Variants in DAOA observed in about 807,000 individuals in gnomAD.
DAOA encodes D-amino acid oxidase regulator.
A neutral mutation model predicts 16.4 loss-of-function variants in DAOA; 15 were observed. The observed-to-expected ratio is 0.91, with a 90% CI of 0.61 to 1.41. The LOEUF (loss-of-function observed/expected upper bound fraction) is 1.41. DAOA is among the 40% of genes most tolerant of loss of function. The pLI, the probability that DAOA is intolerant of heterozygous loss-of-function variation, is 0.00. For synonymous variants in DAOA, 75 were observed against 59.1 expected (o/e 1.27, Z -1.23); for missense variants, 230 against 176.8 (o/e 1.30, Z -1.71).
intron 4 of DAOA, among the ~76,000 whole-genome samples, chr13:105,489,494 T>C (rs1222325057): frequency 6.6e-6 from 1 of 152,220 alleles, no homozygotes; most frequent in African/African-American, 2.4e-5. Flanking sequence ...TATTTTTAAA[T>C]TATTTTTCCC....
At chr13:105,476,463 G>A (rs142339398) in intron 4 of DAOA, among the ~76,000 whole-genome samples, 54 of 139,894 alleles carry the variant, frequency 3.9e-4, no homozygotes, top group Middle Eastern at 3.9e-3. Flanking sequence ...AAGCCTTTTC[G>A]TTATAAAACG....
At chr13:105,472,448 C>T (rs1195566650) in intron 3 of DAOA, 90 bp from the exon 4 acceptor site, 6 of 1,418,922 alleles carry the variant, frequency 4.2e-6, no homozygotes, top group Non-Finnish European at 5.6e-6. Flanking sequence ...ACAATTCCTA[C>T]AATCGCTCCA....
rs183896886 is a variant in DAOA at position 105,473,130 on chromosome 13, T to A, written c.281+445T>A. On this transcript the variant is annotated intron_variant, in intron 4 of 5. Coordinates refer to ENST00000375936, the MANE Select transcript of DAOA (RefSeq NM_172370.5). ...CAACAATAACATGGGAAAGGAACAA[T>A]GTAAATTTCACACTGCCTACGTGAG... 4.0e-4 allele frequency among the ~76,000 whole-genome samples: 61 copies of A among 151,098 alleles called. 1 individual carries two copies. Among genetic ancestry groups the A allele is most frequent in the African/African-American group, 1.1e-3 (46 of 41,276 alleles).
At chr13:105,481,130 A>G (rs928603954) in intron 4 of DAOA, among the ~76,000 whole-genome samples, 6 of 152,166 alleles carry the variant, frequency 3.9e-5, no homozygotes, top group Non-Finnish European at 8.8e-5. Flanking sequence ...TCTTCTTAGT[A>G]TTGAACTCCT....
intron 4 of DAOA, 42 bp from the exon 5 acceptor site, chr13:105,489,859 C>T: frequency 1.9e-6 from 3 of 1,613,698 alleles, no homozygotes; most frequent in Non-Finnish European, 1.7e-6. Context: ...ATGAGGTTAC[C>T]TTTCACAAGA....
At chr13:105,477,801 A>T (rs1426378939) in intron 4 of DAOA, among the ~76,000 whole-genome samples, 2 of 152,220 alleles carry the variant, frequency 1.3e-5, no homozygotes, top group African/African-American at 4.8e-5. Context: ...TATCTACCAG[A>T]GCAATTTAAT....
intron 4 of DAOA, among the ~76,000 whole-genome samples, chr13:105,474,365 C>T (rs543013295): frequency 4.2e-4 from 64 of 151,882 alleles, no homozygotes; most frequent in Non-Finnish European, 6.9e-4. Flanking sequence ...TGTGTGCATG[C>T]GCGTGTGTGT....
Position 105,490,946 on chromosome 13 carries a change from A to C in DAOA, c.*146A>C, listed in dbSNP as rs1878475717. ...TTGTATTTGCAACTCTCTGGTCAGT[A>C]AGTGATAAAATGCCATTTCTATGCA... On this transcript the variant is annotated 3_prime_UTR_variant, in exon 6 of 6. Coordinates refer to ENST00000375936, the MANE Select transcript of DAOA (RefSeq NM_172370.5). The C allele has an allele frequency of 6.6e-6, 1 of 152,116 alleles. No homozygotes were observed. Among genetic ancestry groups the C allele is most frequent in the Admixed American group, 6.5e-5 (1 of 15,268 alleles). The allele number at this position is 152,116 out of a possible 1,614,324, so 9.4% of individuals were successfully genotyped here.
chr13:105,480,437 G>A (rs1877635918), intron 4 of DAOA, among the ~76,000 whole-genome samples: 1 of 151,774 alleles, frequency 6.6e-6, no homozygotes, highest in Non-Finnish European at 1.5e-5. Context: ...TTGGTTTGCT[G>A]GCATCTGTAT....
At chr13:105,473,469 T>C (rs1250163284) in intron 4 of DAOA, among the ~76,000 whole-genome samples, 1 of 152,172 alleles carries the variant, frequency 6.6e-6, no homozygotes, top group African/African-American at 2.4e-5. Flanking sequence ...AGTTGCAAAA[T>C]ATTATTTTTT....
chr13:105,467,433 A>G (rs1413681454), intron 3 of DAOA, among the ~76,000 whole-genome samples: 2 of 152,308 alleles, frequency 1.3e-5, no homozygotes, highest in African/African-American at 4.8e-5. Context: ...CCCTCAATCC[A>G]TGATTTATTT....
At chr13:105,470,876 C>T (rs945192190) in intron 3 of DAOA, among the ~76,000 whole-genome samples, 14 of 152,072 alleles carry the variant, frequency 9.2e-5, no homozygotes, top group African/African-American at 2.9e-4. Context: ...CTGCAAGCTC[C>T]GCCTCCCGGG....
At chr13:105,468,985 T>C (rs1384976725) in intron 3 of DAOA, among the ~76,000 whole-genome samples, 1 of 152,154 alleles carries the variant, frequency 6.6e-6, no homozygotes, top group Non-Finnish European at 1.5e-5. Flanking sequence ...TTTTTCCAAG[T>C]GCATATTTTT....
At chr13:105,472,791 T>C (rs1594107323) in intron 4 of DAOA, 106 bp downstream of exon 4, 4 of 998,402 alleles carry the variant, frequency 4.0e-6, no homozygotes, top group East Asian at 5.4e-5. Context: ...AGATTATACT[T>C]CATGTTGAAC....
chr13:105,467,522 A>G (rs1876606588), intron 3 of DAOA: 2 of 158,204 alleles, frequency 1.3e-5, no homozygotes, highest in Non-Finnish European at 2.8e-5. Context: ...TATAGGCGCA[A>G]ACCCAAGCTA....
chr13:105,478,344 G>T (rs571026864), intron 4 of DAOA, among the ~76,000 whole-genome samples: 1 of 152,176 alleles, frequency 6.6e-6, no homozygotes, highest in Non-Finnish European at 1.5e-5. Context: ...CCCTTAGTAC[G>T]CATTCAATAG....
intron 5 of DAOA, 54 bp downstream of exon 5, chr13:105,490,246 T>G (rs1044737705): frequency 1.4e-5 from 12 of 884,424 alleles, no homozygotes; most frequent in Non-Finnish European, 1.4e-5. Flanking sequence ...AAATATAATT[T>G]TTATGAATTA....
At position 105,467,730 on chromosome 13, in the gene DAOA, T is replaced by TG. The variant is rs1491580672; in HGVS notation, c.133+589_133+590insG. 8 of 41,078 alleles carry TG rather than the reference T, an allele frequency of 1.9e-4. No homozygotes were observed. In the Admixed American group the frequency reaches 2.1e-3, roughly 11 times the overall value. The allele number at this position is 41,078 out of a possible 1,614,324, so 2.5% of individuals were successfully genotyped here. On this transcript the variant is annotated intron_variant, in intron 3 of 5. Coordinates refer to ENST00000375936, the MANE Select transcript of DAOA (RefSeq NM_172370.5). ...TGTTTAATCCCCTAGAAGGTGATCC[T>TG]TTTTTTTTTTTTTTTTTCAAAGAGA...
chr13:105,482,992 C>G (rs1188002715), intron 4 of DAOA, among the ~76,000 whole-genome samples: 3 of 152,122 alleles, frequency 2.0e-5, no homozygotes, highest in Non-Finnish European at 4.4e-5. Context: ...CTATTATTCT[C>G]TGAGGTTTTC....
Sources: allele counts gnomAD v4.1 joint callset (sites outside exome capture counted in the v4.1 genomes callset), GRCh38; gene constraint gnomAD v4.1.1; transcripts MANE v1.5; gene names NCBI Gene and HGNC (gene_info 2026-07-23, HGNC 2026-07-21).